The following PARVG variants were observed in gnomAD, a reference collection of about 807,000 sequenced individuals.
PARVG encodes the protein parvin gamma.
PARVG carries 36 observed loss-of-function variants against 44.4 expected under a neutral mutation model. The ratio of observed to expected loss-of-function variants is 0.81; its 90% CI spans 0.62 to 1.07. PARVG has a LOEUF of 1.07. Among genes scored for constraint, PARVG ranks in the 50% least tolerant of loss-of-function variants. PARVG has a pLI of 0.00. For synonymous variants in PARVG, 170 were observed against 174.1 expected (o/e 0.98, Z 0.19); for missense variants, 407 against 407.4 (o/e 1.00, Z 0.01).
upstream of PARVG, among the ~76,000 whole-genome samples, chr22:44,178,749 A>G (rs1351936774): frequency 6.6e-6 from 1 of 152,170 alleles, no homozygotes; most frequent in Non-Finnish European, 1.5e-5. Flanking sequence ...ACCAAATGCA[A>G]TCACATGTGC....
rs73888906 is a variant in PARVG at position 44,206,824 on chromosome 22, C to A, written c.*398C>A. 1.9e-3 allele frequency: 406 copies of A among 212,956 alleles called. 4 individuals carry two copies. The highest frequency in any genetic ancestry group is 9.1e-3 in the African/African-American group (386 of 42,208). The allele number at this position is 212,956 out of a possible 1,614,324, so 13.2% of individuals were successfully genotyped here. ...ACTCTCAGGGACAGGGCCCACAGCC[C>A]CAGACCCCACCTTTTCCAGCCCAGC... On this transcript the variant is annotated 3_prime_UTR_variant, in exon 14 of 14. Coordinates refer to ENST00000444313, the MANE Select transcript of PARVG (RefSeq NM_022141.7).
chr22:44,198,580 G>A (rs768463744), intron 11 of PARVG, 41 bp from the exon 12 acceptor site: 1 of 1,490,862 alleles, frequency 6.7e-7, no homozygotes, highest in Admixed American at 1.7e-5. Context: ...GGCTTCGCCA[G>A]GCTTCTTCCA....
At position 44,196,408 on chromosome 22, in the gene PARVG, A is replaced by C. The variant is rs908107229; in HGVS notation, c.704A>C (p.Asp235Ala). 6.2e-7 allele frequency: 1 copy of C among 1,614,150 alleles called. No homozygotes were observed. The highest frequency in any genetic ancestry group is 1.3e-5 in the African/African-American group (1 of 75,034). ...DRLGLSVQNL[D>A]TQFADGVILL... is the part of the protein sequence containing the mutation. ...CTGGGCCTGTCTGTGCAGAATCTGGACACCCAGGTAGGGACTGAGCTGCGG... is the reference window on the plus strand; with the variant it reads ...CTGGGCCTGTCTGTGCAGAATCTGGCCACCCAGGTAGGGACTGAGCTGCGG... Residue 235 changes from aspartate to alanine, a missense_variant, in exon 11 of 14, where the codon GAC becomes GCC. Asp to Ala is a moderately radical substitution (Grantham distance 126). Coordinates refer to ENST00000444313, the MANE Select transcript of PARVG (RefSeq NM_022141.7).
At chr22:44,173,084 G>A in exon 1 of PARVG, 1 of 1,289,778 alleles carries the variant, frequency 7.8e-7, no homozygotes, top group Middle Eastern at 2.1e-4. Context: ...TTGGACAGGA[G>A]CTGGGGGAAG....
intron 4 of PARVG, chr22:44,187,476 C>G: frequency 6.6e-6 from 3 of 455,236 alleles, no homozygotes; most frequent in Non-Finnish European, 1.2e-5. Context: ...AGCCATTTCC[C>G]CATTTTTGGG....
intron 4 of PARVG, chr22:44,187,172 C>T: frequency 5.8e-6 from 1 of 172,974 alleles, no homozygotes; most frequent in Non-Finnish European, 1.3e-5. Flanking sequence ...TGCTGCAGGC[C>T]AGAGGCCCTC....
In PARVG at chr22:44,181,195, C is replaced by T. The variant is rs1317808224; in HGVS notation, c.-189+10C>T. The T allele has an allele frequency of 1.1e-5, 5 of 438,816 alleles. No homozygotes were observed. The highest frequency in any genetic ancestry group is 4.3e-5 in the African/African-American group (2 of 46,636). The allele number at this position is 438,816 out of a possible 1,614,324, so 27.2% of individuals were successfully genotyped here. A position where few individuals can be genotyped will look rare whatever the true frequency, so the allele number is the denominator to read the frequency against. On this transcript the variant is annotated intron_variant, in intron 1 of 13. Transcript: ENST00000444313. ...ATTGTTCTAGACACGGGTATGTAAC[C>T]GCGATTGAGAGAGACAGACCACGCA...
At chr22:44,196,608 G>GT (rs1044376382) in intron 11 of PARVG, among the ~76,000 whole-genome samples, 193 bp downstream of exon 11, 8 of 152,132 alleles carry the variant, frequency 5.3e-5, no homozygotes, top group African/African-American at 1.2e-4. Context: ...TGGGATCCCG[G>GT]GGGTGGAGGT....
At chr22:44,187,653 C>A in intron 4 of PARVG, 123 bp from the exon 5 acceptor site, 2 of 873,814 alleles carry the variant, frequency 2.3e-6, no homozygotes, top group South Asian at 3.0e-5. Flanking sequence ...GTGGAGGTGA[C>A]ATTTGACCAG....
At chr22:44,200,550 G>A (rs1176254764) in intron 12 of PARVG, among the ~76,000 whole-genome samples, 2 of 152,210 alleles carry the variant, frequency 1.3e-5, no homozygotes. Flanking sequence ...AGTGTTGGTG[G>A]CTGGTGGCGT....
Position 44,187,765 on chromosome 22 carries a change from G to C in PARVG, c.145-11G>C, listed in dbSNP as rs1470999398. 6.2e-7 allele frequency: 1 copy of C among 1,614,158 alleles called. No homozygotes were observed. The highest frequency in any genetic ancestry group is 1.1e-5 in the South Asian group (1 of 91,082). On this transcript the variant is annotated splice_polypyrimidine_tract_variant and intron_variant, in intron 4 of 13. Coordinates refer to ENST00000444313, the MANE Select transcript of PARVG (RefSeq NM_022141.7). ...CCATCCCCCCAAAAGTTGTCCCCTT[G>C]GAGCCTGCAGGTGTTGATGGAGTGG... is the stretch of plus-strand genomic sequence containing the variant.
chr22:44,205,174 G>A (rs938489149), intron 12 of PARVG, among the ~76,000 whole-genome samples: 1 of 152,214 alleles, frequency 6.6e-6, no homozygotes, highest in African/African-American at 2.4e-5. Context: ...GGTGGGGACC[G>A]CTCCAGTCTC....
At chr22:44,175,484 A>G (rs1432952018) in intron 1 of PARVG, among the ~76,000 whole-genome samples, 1 of 152,236 alleles carries the variant, frequency 6.6e-6, no homozygotes, top group Non-Finnish European at 1.5e-5. Context: ...TGGGCAGCTC[A>G]GAATTAGTGA....
intron 7 of PARVG, among the ~76,000 whole-genome samples, chr22:44,191,159 C>T (rs960346810): frequency 6.6e-6 from 1 of 152,148 alleles, no homozygotes; most frequent in African/African-American, 2.4e-5. Flanking sequence ...GTCTAGCATG[C>T]GGCCTGCCTG....
chr22:44,184,596 C>T (rs1569178609), intron 3 of PARVG: 2 of 152,258 alleles, frequency 1.3e-5, no homozygotes, highest in Admixed American at 6.5e-5. Flanking sequence ...GCCTCGGCCT[C>T]CCAAAAGTGC....
Position 44,196,401 on chromosome 22 carries a change from A to C in PARVG, c.697A>C (p.Asn233His), listed in dbSNP as rs1296644903. 8.7e-6 allele frequency: 14 copies of C among 1,614,082 alleles called. No homozygotes were observed. The highest frequency in any genetic ancestry group is 1.2e-5 in the Non-Finnish European group (14 of 1,180,046). ...GGACCGCCTGGGCCTGTCTGTGCAG[A>C]ATCTGGACACCCAGGTAGGGACTGA... ...KLDRLGLSVQ[N>H]LDTQFADGVI... Residue 233 changes from asparagine (N) to histidine (H), a missense_variant, in exon 11 of 14, where the codon AAT (asparagine) becomes CAT (histidine). Asn to His is a moderately conservative substitution (Grantham distance 68). Coordinates refer to ENST00000444313, the MANE Select transcript of PARVG (RefSeq NM_022141.7).
intron 3 of PARVG, 172 bp downstream of exon 3, chr22:44,183,580 CCTT>C: frequency 1.8e-6 from 1 of 569,460 alleles, no homozygotes; most frequent in Non-Finnish European, 3.0e-6. Context: ...CCTCCTGGGA[CCTT>C]CTACAGAGCT....
Position 44,206,608 on chromosome 22 carries a change from C to A in PARVG, c.*182C>A, listed in dbSNP as rs1309126080. On this transcript the variant is annotated 3_prime_UTR_variant, in exon 14 of 14. Transcript: ENST00000444313. Reference sequence around the variant, plus strand: ...CCCCCTTGTGTGGATCATTTTGAGCCGCCTGGCCTTGCTCAGTTTATTTTA... The same window carrying A: ...CCCCCTTGTGTGGATCATTTTGAGCAGCCTGGCCTTGCTCAGTTTATTTTA... 1 of 616,070 alleles carries A rather than the reference C, an allele frequency of 1.6e-6. No homozygotes were observed. The highest frequency in any genetic ancestry group is 2.9e-6 in the Non-Finnish European group (1 of 346,902). 38.2% of individuals were successfully genotyped at this position (616,070 alleles called of 1,614,324 possible).
rs753838394 is a variant in PARVG at position 44,198,620 on chromosome 22, G to T, written c.712-1G>T. The T allele has an allele frequency of 1.9e-6, 3 of 1,610,514 alleles. No individual in the cohort carries two copies. The highest frequency in any genetic ancestry group is 2.5e-6 in the Non-Finnish European group (3 of 1,176,736). On this transcript the variant is annotated splice_acceptor_variant, in intron 11 of 13. Transcript: ENST00000444313. LOFTEE classifies it high-confidence loss of function. ...ATTGTCTCCAGTTCCTTCCTTTGTAGTTTGCAGATGGGGTCATCTTACTCT... is the reference window on the plus strand; with the variant it reads ...ATTGTCTCCAGTTCCTTCCTTTGTATTTTGCAGATGGGGTCATCTTACTCT...
Sources: gnomAD v4.1 joint callset for allele counts (sites outside exome capture counted in the v4.1 genomes callset) on GRCh38, gnomAD v4.1.1 for gene constraint, MANE v1.5 for transcripts, NCBI Gene and HGNC (gene_info 2026-07-23, HGNC 2026-07-21) for gene names.